C9: variants seen among roughly 807,000 people sequenced by gnomAD.
The protein encoded by C9 is complement component C9.
C9 carries 63 observed loss-of-function variants against 65.4 expected under a neutral mutation model. That is an observed-to-expected ratio of 0.96 (90% confidence interval 0.79 to 1.19). The LOEUF is 1.19. C9 is among the 50% of genes most tolerant of loss of function. C9 has a pLI of 0.00. For missense variants in C9, 744 were observed against 670.1 expected, an observed-to-expected ratio of 1.11 and a Z score of -1.22; for synonymous variants, 229 against 227.9, an observed-to-expected ratio of 1.00 and a Z score of -0.04.
intron 4 of C9, among the ~76,000 whole-genome samples, chr5:39,336,446 T>C (rs1185887165): frequency 6.6e-6 from 1 of 152,162 alleles, no homozygotes; most frequent in Non-Finnish European, 1.5e-5. Context: ...TTTAAAAATA[T>C]TAAATACTCT....
intron 5 of C9, among the ~76,000 whole-genome samples, chr5:39,321,082 T>C (rs1019860751): frequency 6.6e-6 from 1 of 152,076 alleles, no homozygotes; most frequent in African/African-American, 2.4e-5. Context: ...AAAAAATTTA[T>C]GAAATTATAA....
intron 4 of C9, among the ~76,000 whole-genome samples, chr5:39,340,617 A>G (rs1204059581): frequency 6.6e-6 from 1 of 152,222 alleles, no homozygotes; most frequent in South Asian, 2.1e-4. Flanking sequence ...TCAGCTCTCT[A>G]TAATGAGAAC....
chr5:39,327,112 T>G (rs1026607941), intron 5 of C9, among the ~76,000 whole-genome samples: 13 of 152,074 alleles, frequency 8.5e-5, no homozygotes, highest in African/African-American at 2.9e-4. Context: ...AGGAGAAGCA[T>G]TTTAGAAGAT....
At chr5:39,347,790 C>G (rs891829214) in intron 1 of C9, among the ~76,000 whole-genome samples, 2 of 152,054 alleles carry the variant, frequency 1.3e-5, no homozygotes, top group African/African-American at 4.8e-5. Context: ...CTACAGTAAC[C>G]AAAACAGCAT....
At chr5:39,318,917 C>A (rs1753621207) in intron 5 of C9, among the ~76,000 whole-genome samples, 1 of 152,176 alleles carries the variant, frequency 6.6e-6, no homozygotes, top group African/African-American at 2.4e-5. Context: ...ATAGTCTAAA[C>A]TAGATTTATT....
At chr5:39,344,420 C>T (rs1040877718) in intron 1 of C9, among the ~76,000 whole-genome samples, 1 of 152,114 alleles carries the variant, frequency 6.6e-6, no homozygotes, top group South Asian at 2.1e-4. Context: ...GAAAGGGTAT[C>T]AGTGATTGAA....
At position 39,284,862 on chromosome 5, in the gene C9, T is replaced by G; in HGVS notation, c.*337A>C. The G allele has an allele frequency of 3.1e-6, 1 of 327,232 alleles. No individual in the cohort carries two copies. The highest frequency in any genetic ancestry group is 5.7e-6 in the Non-Finnish European group (1 of 176,034). 20.3% of individuals were successfully genotyped at this position (327,232 alleles called of 1,614,324 possible). ...AATATGTTAACCATACAAAGCCGTT[T>G]GAAAATTACTTTGAAGTTTTTTAAA... On this transcript the variant is annotated 3_prime_UTR_variant, in exon 11 of 11. Coordinates refer to ENST00000263408, the MANE Select transcript of C9 (RefSeq NM_001737.5).
Position 39,350,551 on chromosome 5 carries a change from G to C in C9, c.78-8355C>G, listed in dbSNP as rs886514756. Among the ~76,000 whole-genome samples, 3 of 152,140 alleles carry C rather than the reference G, an allele frequency of 2.0e-5. No individual in the cohort carries two copies. In the East Asian group the frequency reaches 5.8e-4, roughly 29 times the overall value. On this transcript the variant is annotated intron_variant, in intron 1 of 10. Coordinates refer to ENST00000263408, the MANE Select transcript of C9 (RefSeq NM_001737.5). ...TCAAAAACAAGTTAATTACTCCCAA[G>C]GTACAGGCATAGGGTAAATGCTCCC...
chr5:39,315,928 T>A lies in C9; in HGVS notation c.717A>T (p.Ile239=). ...TTTCAGTGGGTGTAAATTTTAGAGATATAGCTGCATTAAAATTTGATGTCT... is the reference window on the plus strand; with the variant it reads ...TTTCAGTGGGTGTAAATTTTAGAGAAATAGCTGCATTAAAATTTGATGTCT... ...QEKTSNFNAA[I]SLKFTPTETN... Residue 239 remains isoleucine, a synonymous_variant, in exon 6 of 11, where the codon ATA becomes ATT. Coordinates refer to ENST00000263408, the MANE Select transcript of C9 (RefSeq NM_001737.5). The A allele has an allele frequency of 1.2e-6, 2 of 1,611,256 alleles. No individual in the cohort carries two copies. Among genetic ancestry groups the A allele is most frequent in the Non-Finnish European group, 1.7e-6 (2 of 1,177,612 alleles).
At chr5:39,342,031 G>A in intron 2 of C9, 60 bp downstream of exon 2, 3 of 948,854 alleles carry the variant, frequency 3.2e-6, no homozygotes, top group Non-Finnish European at 5.2e-6. Flanking sequence ...TTTTTCTGGA[G>A]AGGCTAGCAA....
intron 4 of C9, among the ~76,000 whole-genome samples, chr5:39,340,745 A>G (rs1754061381): frequency 1.3e-5 from 2 of 152,236 alleles, no homozygotes; most frequent in Admixed American, 1.3e-4. Flanking sequence ...CCAATGGAAG[A>G]CAGCCTTCCC....
At chr5:39,319,672 G>A (rs143302086) in intron 5 of C9, among the ~76,000 whole-genome samples, 84 of 152,132 alleles carry the variant, frequency 5.5e-4, no homozygotes, top group African/African-American at 1.9e-3. Context: ...AATCAGGCGC[G>A]AGACCAGGGA....
At chr5:39,298,383 A>G (rs1753222501) in intron 9 of C9, among the ~76,000 whole-genome samples, 1 of 151,486 alleles carries the variant, frequency 6.6e-6, no homozygotes, top group African/African-American at 2.4e-5. Context: ...AGATTACAAA[A>G]AATGATAAAC....
At chr5:39,315,040 A>G (rs78005415) in intron 6 of C9, among the ~76,000 whole-genome samples, 2,330 of 152,280 alleles carry the variant, frequency 0.015, 60 homozygotes, top group East Asian at 0.069. Context: ...CCACCTGTAC[A>G]CTTGAGTGGG....
chr5:39,290,875 AG>A (rs1346701846), intron 9 of C9, among the ~76,000 whole-genome samples: 1 of 151,958 alleles, frequency 6.6e-6, no homozygotes, highest in East Asian at 1.9e-4. Flanking sequence ...GGGAAGTGGA[AG>A]TAGGATAGCT....
At chr5:39,295,546 A>T (rs1753171225) in intron 9 of C9, among the ~76,000 whole-genome samples, 1 of 151,742 alleles carries the variant, frequency 6.6e-6, no homozygotes, top group South Asian at 2.1e-4. Context: ...ATGGAAGAGG[A>T]TACAAACAAA....
intron 4 of C9, among the ~76,000 whole-genome samples, chr5:39,332,501 A>C (rs1267162510): frequency 6.6e-6 from 1 of 152,260 alleles, no homozygotes; most frequent in East Asian, 1.9e-4. Flanking sequence ...CTTTTAAAAA[A>C]GTTTAATTTT....
intron 6 of C9, among the ~76,000 whole-genome samples, chr5:39,312,673 TG>T (rs1753506501): frequency 6.6e-6 from 1 of 152,202 alleles, no homozygotes; most frequent in Admixed American, 6.5e-5. Context: ...CTTGTCCTGA[TG>T]AAAACTAAAC....
Position 39,341,540 on chromosome 5 carries a change from C to G in C9, c.328+16G>C. The G allele has an allele frequency of 1.9e-6, 3 of 1,613,218 alleles. No individual in the cohort carries two copies. Among genetic ancestry groups the G allele is most frequent in the Non-Finnish European group, 2.5e-6 (3 of 1,179,272 alleles). ...ACACAGAAAGCCACAATGAGCAATT[C>G]AAGCACAAAGATTACCTGTACTGCA... On this transcript the variant is annotated intron_variant, in intron 3 of 10. Coordinates refer to ENST00000263408, the MANE Select transcript of C9 (RefSeq NM_001737.5).
Sources: gnomAD v4.1 joint callset for allele counts (sites outside exome capture counted in the v4.1 genomes callset) on GRCh38, gnomAD v4.1.1 for gene constraint, MANE v1.5 for transcripts, NCBI Gene and HGNC (gene_info 2026-07-23, HGNC 2026-07-21) for gene names.